The following WNT7B variants were observed in gnomAD, a reference collection of about 807,000 sequenced individuals.
WNT7B encodes Wnt family member 7B, also known as protein Wnt-7b.
WNT7B carries 19 observed loss-of-function variants against 38.2 expected under a neutral mutation model. That is an observed-to-expected ratio of 0.50 (90% confidence interval 0.35 to 0.73). The LOEUF (loss-of-function observed/expected upper bound fraction) is 0.73, where lower values mean the gene tolerates loss of function less well. Among genes scored for constraint, WNT7B ranks in the 30% least tolerant of loss-of-function variants. WNT7B has a pLI of 0.01. For synonymous variants in WNT7B, 243 were observed against 209.3 expected (o/e 1.16, Z -1.39); for missense variants, 423 against 507.9 (o/e 0.83, Z 1.61).
intron 1 of WNT7B, among the ~76,000 whole-genome samples, chr22:45,950,729 G>A (rs1179667812): frequency 6.6e-6 from 1 of 152,238 alleles, no homozygotes; most frequent in Non-Finnish European, 1.5e-5. Context: ...CCACACCCAT[G>A]AAATGGGGGT....
intron 3 of WNT7B, among the ~76,000 whole-genome samples, chr22:45,924,084 G>C (rs746247606): frequency 1.1e-4 from 16 of 152,192 alleles, no homozygotes; most frequent in Non-Finnish European, 1.5e-4. Flanking sequence ...CATTTACCCG[G>C]ATCGAAAGGG....
At chr22:45,960,432 G>A (rs1367637708) in intron 1 of WNT7B, among the ~76,000 whole-genome samples, 1 of 151,646 alleles carries the variant, frequency 6.6e-6, no homozygotes, top group East Asian at 2.0e-4. Flanking sequence ...CCAGCACCTG[G>A]CCAGGCCCTA....
chr22:45,928,328 C>T (rs1931160042), intron 3 of WNT7B, among the ~76,000 whole-genome samples: 1 of 152,190 alleles, frequency 6.6e-6, no homozygotes, highest in South Asian at 2.1e-4. Context: ...ACCCACCTCC[C>T]ACTGCCGTGA....
chr22:45,974,619 G>A (rs1040494527), intron 1 of WNT7B, among the ~76,000 whole-genome samples: 1 of 152,128 alleles, frequency 6.6e-6, no homozygotes, highest in South Asian at 2.1e-4. Context: ...GGCTCACCAG[G>A]GGGAGGAGTT....
At position 45,931,209 on chromosome 22, in the gene WNT7B, C is replaced by T. The variant is rs754658159; in HGVS notation, c.459G>A (p.Ser153=). 1.3e-5 allele frequency: 21 copies of T among 1,599,222 alleles called. No homozygotes were observed. Among genetic ancestry groups the T allele is most frequent in the East Asian group, 8.9e-5 (4 of 44,886 alleles). The part of the protein sequence containing the change: ...QAEGWKWGGC[S]ADVRYGIDFS... ...AGTCGATGCCGTAACGCACGTCGGC[C>T]GAGCAGCCGCCCCACTTCCAGCCCT... The change falls in exon 3 of 4, where the codon TCG becomes TCA. Residue 153 remains serine, a synonymous_variant. Coordinates refer to ENST00000339464, the MANE Select transcript of WNT7B (RefSeq NM_058238.3).
chr22:45,963,326 G>A (rs1000900365), intron 1 of WNT7B, among the ~76,000 whole-genome samples: 16 of 152,084 alleles, frequency 1.1e-4, no homozygotes, highest in African/African-American at 3.1e-4. Context: ...GGCCGCCACC[G>A]CCTCCTAGCC....
At chr22:45,952,259 G>A (rs568239233) in intron 1 of WNT7B, among the ~76,000 whole-genome samples, 334 of 152,306 alleles carry the variant, frequency 2.2e-3, no homozygotes, top group Non-Finnish European at 3.9e-3. Flanking sequence ...TTTCCAGGGC[G>A]GCCGAGCACC....
At chr22:45,928,405 G>A (rs1395814830) in intron 3 of WNT7B, among the ~76,000 whole-genome samples, 1 of 152,192 alleles carries the variant, frequency 6.6e-6, no homozygotes, top group Non-Finnish European at 1.5e-5. Context: ...CACAGGGTCG[G>A]GGCAGTGAGG....
intron 1 of WNT7B, among the ~76,000 whole-genome samples, chr22:45,964,850 C>T (rs1435505394): frequency 1.3e-5 from 2 of 152,166 alleles, no homozygotes; most frequent in African/African-American, 2.4e-5. Context: ...AAGCACACTC[C>T]CTTGGCACCG....
intron 3 of WNT7B, chr22:45,926,263 GGCCCCCT>G: frequency 1.0e-6 from 1 of 985,404 alleles, no homozygotes; most frequent in Non-Finnish European, 1.2e-6. Context: ...CACTGAGACC[GGCCCCCT>G]GCCCCAAGAG....
chr22:45,949,650 C>G (rs1601730402), intron 2 of WNT7B, among the ~76,000 whole-genome samples: 1 of 152,252 alleles, frequency 6.6e-6, no homozygotes, highest in South Asian at 2.1e-4. Context: ...CCCAAGGGCC[C>G]ACGGCCACGT....
chr22:45,934,374 G>A (rs1569113795), intron 2 of WNT7B, among the ~76,000 whole-genome samples: 3 of 152,170 alleles, frequency 2.0e-5, no homozygotes, highest in South Asian at 4.1e-4. Context: ...GGGGAAAGGC[G>A]CAGCTGTAGG....
chr22:45,925,522 C>CT, intron 3 of WNT7B: 7 of 985,208 alleles, frequency 7.1e-6, no homozygotes, highest in Non-Finnish European at 8.4e-6. Context: ...AGAGCCTGGA[C>CT]TGCGTGTCTG....
chr22:45,947,938 G>A (rs563282384), intron 2 of WNT7B, among the ~76,000 whole-genome samples: 2 of 152,156 alleles, frequency 1.3e-5, no homozygotes, highest in Admixed American at 6.5e-5. Context: ...ATCCCCAGGC[G>A]AGCTCGGGGA....
chr22:45,922,980 C>A lies in WNT7B; in HGVS notation c.926G>T (p.Cys309Phe). The change falls in exon 4 of 4, where the codon TGC becomes TTC. Residue 309 changes from cysteine to phenylalanine, a missense_variant. Physicochemically the swap from Cys to Phe is radical, Grantham distance 205 (BLOSUM62 -2). Around this residue, in one of 3 missense-constraint regions of WNT7B, gnomAD observed 158 missense variants for 214.7 expected, o/e 0.74. Coordinates refer to ENST00000339464, the MANE Select transcript of WNT7B (RefSeq NM_058238.3). Reference protein sequence around the residue: ...PGADGCDTMCCGRGYNTHQYT... With the variant: ...PGADGCDTMCFGRGYNTHQYT... The stretch of plus-strand genomic sequence containing the variant: ...CTGGTGGGTGTTGTAGCCTCGGCCG[C>A]AGCACATGGTGTCACAGCCGTCCGC... 2 of 1,613,296 alleles carry A rather than the reference C, an allele frequency of 1.2e-6. No homozygotes were observed. The highest frequency in any genetic ancestry group is 1.7e-6 in the Non-Finnish European group (2 of 1,179,864).
chr22:45,925,541 C>G (rs1931056863), intron 3 of WNT7B: 1 of 985,152 alleles, frequency 1.0e-6, no homozygotes, highest in Admixed American at 6.2e-5. Flanking sequence ...TGGGCGACCC[C>G]CAGAGAGTAT....
chr22:45,926,747 G>A lies in WNT7B; in HGVS notation c.571-3412C>T, dbSNP rs137957937. 463 of 985,400 alleles carry A rather than the reference G, an allele frequency of 4.7e-4. 1 individual carries two copies. In the African/African-American group the frequency reaches 7.8e-3, roughly 17 times the overall value. The allele number at this position is 985,400 out of a possible 1,614,324, so 61.0% of individuals were successfully genotyped here. Reference sequence around the variant, plus strand: ...TGAGCCCCTCAGGGACACAGCACACGTCTGCTTCACCCTCTGACCACGAGC... The same window carrying A: ...TGAGCCCCTCAGGGACACAGCACACATCTGCTTCACCCTCTGACCACGAGC... On this transcript the variant is annotated intron_variant, in intron 3 of 3. Transcript: ENST00000339464.
chr22:45,941,280 C>G (rs77656624), intron 2 of WNT7B, among the ~76,000 whole-genome samples: 3 of 152,102 alleles, frequency 2.0e-5, no homozygotes, highest in Admixed American at 2.0e-4. Context: ...GAGGCTAAGG[C>G]GGGCGGATCA....
chr22:45,958,647 A>G (rs1391846446), intron 1 of WNT7B, among the ~76,000 whole-genome samples: 1 of 152,204 alleles, frequency 6.6e-6, no homozygotes, highest in African/African-American at 2.4e-5. Flanking sequence ...AGAAAAGTTC[A>G]GCAGCCTGCC....
Sources: gnomAD v4.1 joint callset for allele counts (sites outside exome capture counted in the v4.1 genomes callset) on GRCh38, gnomAD v4.1.1 for gene constraint, gnomAD v4.1.1 regional missense constraint, MANE v1.5 for transcripts, NCBI Gene and HGNC (gene_info 2026-07-23, HGNC 2026-07-21) for gene names.